DNAH14: variants seen among roughly 807,000 people sequenced by gnomAD.
The protein encoded by DNAH14 is axonemal beta dynein heavy chain 14.
Under a neutral mutation model 520.9 loss-of-function variants are expected in DNAH14, and 478 were observed. The ratio of observed to expected loss-of-function variants is 0.92; its 90% CI spans 0.85 to 0.99. The LOEUF is 0.99. Among genes scored for constraint, DNAH14 ranks in the 50% least tolerant of loss-of-function variants. The pLI, the probability that DNAH14 is intolerant of heterozygous loss-of-function variation, is 0.00. For synonymous variants in DNAH14, 1,581 were observed against 1,757.2 expected (o/e 0.90, Z 2.51); for missense variants, 4,831 against 5,234.5 (o/e 0.92, Z 2.38).
At chr1:225,098,040 C>A (rs894156966) in intron 22 of DNAH14, among the ~76,000 whole-genome samples, 11 of 151,946 alleles carry the variant, frequency 7.2e-5, no homozygotes, top group African/African-American at 2.4e-4. Flanking sequence ...AACAAACAAA[C>A]AAAACCGCCA....
chr1:224,972,470 A>ATTTT (rs879734100), intron 7 of DNAH14, among the ~76,000 whole-genome samples: 1 of 123,668 alleles, frequency 8.1e-6, no homozygotes, highest in African/African-American at 2.8e-5. Context: ...CACCTGGCTA[A>ATTTT]TTTTTTTTTT....
intron 41 of DNAH14, 62 bp downstream of exon 41, chr1:225,207,282 A>G: frequency 7.2e-7 from 1 of 1,393,810 alleles, no homozygotes; most frequent in South Asian, 1.7e-5. Context: ...CTAATTCATC[A>G]CCGTCTATTA....
At chr1:225,195,721 A>G (rs1470088033) in intron 38 of DNAH14, among the ~76,000 whole-genome samples, 1 of 152,170 alleles carries the variant, frequency 6.6e-6, no homozygotes, top group African/African-American at 2.4e-5. Context: ...GAAAATCGAT[A>G]GAAAAATTAC....
intron 34 of DNAH14, among the ~76,000 whole-genome samples, chr1:225,158,091 G>C (rs560597184): frequency 8.5e-5 from 13 of 152,236 alleles, no homozygotes; most frequent in African/African-American, 2.9e-4. Flanking sequence ...CACCTTTGCA[G>C]GAAACAGTTT....
chr1:225,370,350 C>T (rs2095605144), intron 77 of DNAH14, among the ~76,000 whole-genome samples: 1 of 150,856 alleles, frequency 6.6e-6, no homozygotes, highest in South Asian at 2.1e-4. Context: ...AAAGCCCTGT[C>T]TGTATAAAAA....
intron 10 of DNAH14, among the ~76,000 whole-genome samples, chr1:225,013,623 C>A (rs1281313217): frequency 6.6e-6 from 1 of 152,196 alleles, no homozygotes; most frequent in African/African-American, 2.4e-5. Flanking sequence ...CTGACTGGGG[C>A]TGCTGCCTTT....
chr1:225,016,568 G>C (rs1416466528), intron 10 of DNAH14, among the ~76,000 whole-genome samples: 1 of 152,066 alleles, frequency 6.6e-6, no homozygotes, highest in Non-Finnish European at 1.5e-5. Flanking sequence ...TAGCTTATTA[G>C]ACCTGGATGT....
intron 36 of DNAH14, among the ~76,000 whole-genome samples, chr1:225,170,318 G>C (rs1559166536): frequency 6.6e-6 from 1 of 152,148 alleles, no homozygotes; most frequent in Non-Finnish European, 1.5e-5. Context: ...AAAAGACACA[G>C]ACTGGCAAAT....
At chr1:225,361,123 G>A (rs1364484615) in intron 75 of DNAH14, among the ~76,000 whole-genome samples, 1 of 152,096 alleles carries the variant, frequency 6.6e-6, no homozygotes, top group East Asian at 1.9e-4. Flanking sequence ...TTTGTTCTCT[G>A]TCTTGTTTAT....
Position 224,974,071 on chromosome 1 carries a change from A to C in DNAH14, c.768-20A>C. The stretch of plus-strand genomic sequence containing the variant: ...ACGTGGTTTATGGATATGGAATATA[A>C]GAAGCATTTTTCCTTTCAGAATGAA... On this transcript the variant is annotated intron_variant, in intron 7 of 85. Transcript: ENST00000682510. The C allele has an allele frequency of 6.8e-7, 1 of 1,469,800 alleles. No individual in the cohort carries two copies. Among genetic ancestry groups the C allele is most frequent in the East Asian group, 2.6e-5 (1 of 38,918 alleles). 91.0% of individuals were successfully genotyped at this position (1,469,800 alleles called of 1,614,324 possible). A position where few individuals can be genotyped will look rare whatever the true frequency, so the allele number is the denominator to read the frequency against.
Position 225,140,924 on chromosome 1 carries a change from C to T in DNAH14, c.4411C>T (p.Leu1471=). The change falls in exon 28 of 86, where the codon CTA becomes TTA. Residue 1471 remains leucine (L), a synonymous_variant. Transcript: ENST00000682510. ...DTSNSRTKAI[L]GALLILYVHC... is the part of the protein sequence containing the mutation. Reference sequence around the variant, plus strand: ...TAGTAACTCTCGAACAAAAGCTATACTAGGGGCATTGCTTATCCTTTATGT... The same window carrying T: ...TAGTAACTCTCGAACAAAAGCTATATTAGGGGCATTGCTTATCCTTTATGT... 1 of 1,551,340 alleles carries T rather than the reference C, an allele frequency of 6.4e-7. No homozygotes were observed. Among genetic ancestry groups the T allele is most frequent in the Non-Finnish European group, 8.7e-7 (1 of 1,146,892 alleles).
At chr1:225,033,001 C>T (rs962676607) in intron 11 of DNAH14, among the ~76,000 whole-genome samples, 1 of 152,076 alleles carries the variant, frequency 6.6e-6, no homozygotes, top group Non-Finnish European at 1.5e-5. Context: ...ACAAAGTTTG[C>T]AAATATTTTC....
chr1:225,350,261 G>C (rs2095346683), intron 71 of DNAH14, among the ~76,000 whole-genome samples: 1 of 152,034 alleles, frequency 6.6e-6, no homozygotes, highest in South Asian at 2.1e-4. Context: ...TTAAAACTTA[G>C]GGGATACATT....
At chr1:225,057,683 GT>G (rs1269602346) in intron 17 of DNAH14, among the ~76,000 whole-genome samples, 1 of 152,044 alleles carries the variant, frequency 6.6e-6, no homozygotes, top group African/African-American at 2.4e-5. Flanking sequence ...GATAGCTTTT[GT>G]TATTTTGAGA....
chr1:225,381,493 G>A lies in DNAH14; in HGVS notation c.12991G>A (p.Ala4331Thr), dbSNP rs2095783098. 1 of 1,549,552 alleles carries A rather than the reference G, an allele frequency of 6.5e-7. No individual in the cohort carries two copies. Among genetic ancestry groups the A allele is most frequent in the South Asian group, 1.2e-5 (1 of 83,462 alleles). The change falls in exon 81 of 86, where the codon GCT becomes ACT. Residue 4331 changes from alanine (A) to threonine (T), a missense_variant. Coordinates refer to ENST00000682510, the MANE Select transcript of DNAH14 (RefSeq NM_001367479.1). ...TAAATCCTTAAAAGATCTTCAGCTT[G>A]CTATAAAAGGAGAGATCATCCTCAC... is the stretch of plus-strand genomic sequence containing the variant. ...IHKSLKDLQL[A>T]IKGEIILTQE...
intron 28 of DNAH14, among the ~76,000 whole-genome samples, chr1:225,141,261 G>A (rs2079432281): frequency 6.6e-6 from 1 of 151,972 alleles, no homozygotes; most frequent in African/African-American, 2.4e-5. Flanking sequence ...ATTACAATAA[G>A]ATATTTAGAG....
intron 15 of DNAH14, among the ~76,000 whole-genome samples, chr1:225,045,590 TTACTC>T (rs1003541525): frequency 6.6e-6 from 1 of 152,086 alleles, no homozygotes; most frequent in African/African-American, 2.4e-5. Context: ...TACTGGTAAT[TTACTC>T]TACAGATTGT....
chr1:224,930,560 A>G (rs2058618808), intron 1 of DNAH14, among the ~76,000 whole-genome samples: 1 of 152,230 alleles, frequency 6.6e-6, no homozygotes, highest in African/African-American at 2.4e-5. Context: ...GTACTTGATA[A>G]TAACAGATGA....
At chr1:225,213,186 T>C (rs1419837616) in intron 41 of DNAH14, among the ~76,000 whole-genome samples, 1 of 152,226 alleles carries the variant, frequency 6.6e-6, no homozygotes, top group African/African-American at 2.4e-5. Flanking sequence ...CATTTCCTGT[T>C]TTTGTCAGGT....
Sources: gnomAD v4.1 joint callset for allele counts (sites outside exome capture counted in the v4.1 genomes callset) on GRCh38, gnomAD v4.1.1 for gene constraint, MANE v1.5 for transcripts, NCBI Gene and HGNC (gene_info 2026-07-23, HGNC 2026-07-21) for gene names.